Variants in FSTL5 observed in about 807,000 individuals in gnomAD.
The protein encoded by FSTL5 is follistatin like 5, also known as follistatin-related protein 5.
In FSTL5, 62 loss-of-function variants were observed where a neutral mutation model predicts 89.1. The ratio of observed to expected loss-of-function variants is 0.70; its 90% confidence interval spans 0.57 to 0.86. The LOEUF is 0.86. FSTL5 is among the 40% of genes least tolerant of loss of function. The pLI is 0.00. For missense variants in FSTL5, 1,057 were observed against 1,001.6 expected (o/e 1.06, Z -0.75); for synonymous variants, 383 against 346.2 (o/e 1.11, Z -1.18).
At chr4:161,554,890 T>G (rs72685760) in intron 8 of FSTL5, among the ~76,000 whole-genome samples, 11,368 of 151,706 alleles carry the variant, frequency 0.075, 540 homozygotes, top group Middle Eastern at 0.17. Context: ...CAGACTCGGT[T>G]TAATAAATAT....
Position 161,981,895 on chromosome 4 carries a change from T to A in FSTL5, c.160+51730A>T, listed in dbSNP as rs73861004. On this transcript the variant is annotated intron_variant, in intron 3 of 15. Coordinates refer to ENST00000306100, the MANE Select transcript of FSTL5 (RefSeq NM_020116.5). ...TACATTTATACAATAATGGTTAACA[T>A]AATTGATTTTTATAAAAATAACTTT... Among the ~76,000 whole-genome samples the A allele has an allele frequency of 1.7e-3, 264 of 152,296 alleles. 1 individual carries two copies. Among genetic ancestry groups the A allele is most frequent in the African/African-American group, 5.8e-3 (243 of 41,576 alleles).
Position 161,386,241 on chromosome 4 carries a change from C to T in FSTL5, c.2050G>A (p.Asp684Asn), listed in dbSNP as rs773052243. Residue 684 changes from aspartate (D) to asparagine (N), a missense_variant, in exon 16 of 16, where the codon GAC becomes AAC. Transcript: ENST00000306100. ...TCACTATTGAACCCAATGACTGAGT[C>T]AGTTACACCGTCCACCATGACCTGT... Reference protein sequence around the residue: ...SPQVMVDGVTDSVIGFNSDVT... With the variant: ...SPQVMVDGVTNSVIGFNSDVT... 1 of 1,613,948 alleles carries T rather than the reference C, an allele frequency of 6.2e-7. No individual in the cohort carries two copies.
chr4:161,472,224 G>A (rs981439562), intron 13 of FSTL5, among the ~76,000 whole-genome samples: 2 of 152,008 alleles, frequency 1.3e-5, no homozygotes, highest in Non-Finnish European at 2.9e-5. Flanking sequence ...TGATCTGCCC[G>A]CCTTGGCCTC....
Position 161,636,760 on chromosome 4 carries a change from A to G in FSTL5, c.894+19568T>C, listed in dbSNP as rs1399198685. Among the ~76,000 whole-genome samples, 1,048 of 145,650 alleles carry G rather than the reference A, an allele frequency of 7.2e-3. 9 individuals carry two copies. The highest frequency in any genetic ancestry group is 0.026 in the African/African-American group (996 of 37,894). On this transcript the variant is annotated intron_variant, in intron 7 of 15. Transcript: ENST00000306100. ...AGTTTACTGAGAATGATGATTTCCA[A>G]TTTCATCCATGTCCCTACAAAGGAC...
At chr4:161,944,322 T>C (rs568851692) in intron 3 of FSTL5, among the ~76,000 whole-genome samples, 1 of 152,196 alleles carries the variant, frequency 6.6e-6, no homozygotes, top group Middle Eastern at 3.4e-3. Flanking sequence ...TGTTAACATA[T>C]ATTGCCAGTA....
At chr4:162,128,009 G>T (rs1362622496) in intron 1 of FSTL5, among the ~76,000 whole-genome samples, 1 of 152,104 alleles carries the variant, frequency 6.6e-6, no homozygotes, top group Non-Finnish European at 1.5e-5. Context: ...GGTCCAAATA[G>T]TTAATATGCT....
intron 7 of FSTL5, among the ~76,000 whole-genome samples, chr4:161,648,631 G>T (rs1736232928): frequency 6.6e-6 from 1 of 151,748 alleles, no homozygotes; most frequent in African/African-American, 2.4e-5. Context: ...ATAAATCCAA[G>T]ATTTGTCAGG....
intron 4 of FSTL5, among the ~76,000 whole-genome samples, chr4:161,813,270 C>T (rs2872575): frequency 0.32 from 48,998 of 151,874 alleles, 8,375 homozygotes; most frequent in East Asian, 0.43. Flanking sequence ...ACCTCGTGAT[C>T]TGCCCGCCTT....
intron 15 of FSTL5, among the ~76,000 whole-genome samples, chr4:161,432,450 C>G (rs1054057348): frequency 6.6e-6 from 1 of 151,590 alleles, no homozygotes. Context: ...CAATGTGAAC[C>G]GTACTAAGAG....
Position 161,450,162 on chromosome 4 carries a change from C to A in FSTL5, c.1841+4842G>T, listed in dbSNP as rs563355639. Among the ~76,000 whole-genome samples the A allele has an allele frequency of 7.9e-5, 12 of 152,266 alleles. No individual in the cohort carries two copies. In the South Asian group the frequency reaches 1.7e-3, roughly 21 times the overall value. ...ATGGAAATTACTCATTGCTTAATGT[C>A]TGCTACCTCCTTAGCTTCTCCTCTT... On this transcript the variant is annotated intron_variant, in intron 15 of 15. Transcript: ENST00000306100.
At chr4:161,841,607 A>T (rs558255155) in intron 4 of FSTL5, among the ~76,000 whole-genome samples, 1 of 152,292 alleles carries the variant, frequency 6.6e-6, no homozygotes, top group South Asian at 2.1e-4. Context: ...GCTCTCACAG[A>T]GCTTATATTT....
chr4:161,733,679 A>G (rs1739693834), intron 6 of FSTL5, among the ~76,000 whole-genome samples: 1 of 151,908 alleles, frequency 6.6e-6, no homozygotes, highest in African/African-American at 2.4e-5. Flanking sequence ...CCCCTTTTTT[A>G]AGTTTGCTGA....
intron 4 of FSTL5, among the ~76,000 whole-genome samples, chr4:161,847,845 T>C (rs1269161336): frequency 6.6e-6 from 1 of 151,772 alleles, no homozygotes; most frequent in Non-Finnish European, 1.5e-5. Flanking sequence ...GAGACCAGCC[T>C]GGACAACATG....
Position 161,580,768 on chromosome 4 carries a change from G to C in FSTL5, c.1015+6687C>G, listed in dbSNP as rs892802899. 4.6e-5 allele frequency among the ~76,000 whole-genome samples: 7 copies of C among 152,176 alleles called. No individual in the cohort carries two copies. In the East Asian group the frequency reaches 7.7e-4, roughly 17 times the overall value. On this transcript the variant is annotated intron_variant, in intron 8 of 15. Coordinates refer to ENST00000306100, the MANE Select transcript of FSTL5 (RefSeq NM_020116.5). ...TAAAGATTCTTGGGCAGTTAGATTG[G>C]GGCAAAAGTAATTGTGGTTTTGCCA...
intron 2 of FSTL5, among the ~76,000 whole-genome samples, chr4:162,036,239 A>G (rs1330932670): frequency 6.6e-6 from 1 of 152,120 alleles, no homozygotes; most frequent in Admixed American, 6.6e-5. Flanking sequence ...GATTTCTAAT[A>G]ACATGGCCTA....
At chr4:161,652,142 T>A (rs1736363177) in intron 7 of FSTL5, among the ~76,000 whole-genome samples, 1 of 152,072 alleles carries the variant, frequency 6.6e-6, no homozygotes, top group African/African-American at 2.4e-5. Context: ...ATCTCTTTTA[T>A]CATCAATTTT....
At chr4:161,684,703 T>A (rs1358390244) in intron 6 of FSTL5, among the ~76,000 whole-genome samples, 1 of 152,136 alleles carries the variant, frequency 6.6e-6, no homozygotes, top group East Asian at 1.9e-4. Flanking sequence ...GATTTTCTCC[T>A]ACTCTCTGGG....
Position 161,457,367 on chromosome 4 carries a change from A to G in FSTL5, c.1716+1845T>C, listed in dbSNP as rs116540123. On this transcript the variant is annotated intron_variant, in intron 14 of 15. Transcript: ENST00000306100. ...CTCCCACCTGGCAAATATTTTTATAATTTACCATATTCTATCAGCACAAAA... is the reference window on the plus strand; with the variant it reads ...CTCCCACCTGGCAAATATTTTTATAGTTTACCATATTCTATCAGCACAAAA... Among the ~76,000 whole-genome samples, 1,010 of 152,286 alleles carry G rather than the reference A, an allele frequency of 6.6e-3. 12 individuals are homozygous for G. Among genetic ancestry groups the G allele is most frequent in the African/African-American group, 0.021 (874 of 41,554 alleles).
intron 2 of FSTL5, among the ~76,000 whole-genome samples, chr4:162,104,621 G>A (rs1157418080): frequency 6.6e-6 from 1 of 152,172 alleles, no homozygotes; most frequent in Non-Finnish European, 1.5e-5. Context: ...ATTGCCCTGT[G>A]GAAACTGGGC....
Sources: allele counts gnomAD v4.1 joint callset (sites outside exome capture counted in the v4.1 genomes callset), GRCh38; gene constraint gnomAD v4.1.1; transcripts MANE v1.5; gene names NCBI Gene and HGNC (gene_info 2026-07-23, HGNC 2026-07-21).